ELMO1: variants seen among roughly 807,000 people sequenced by gnomAD.
The protein encoded by ELMO1 is engulfment and cell motility 1, also known as engulfment and cell motility protein 1.
Under a neutral mutation model 98.9 loss-of-function variants are expected in ELMO1, and 26 were observed. That is an observed-to-expected ratio of 0.26 (90% CI 0.19 to 0.36). The LOEUF is 0.36. Ranked by LOEUF, ELMO1 falls within the 10% of genes least tolerant of loss-of-function variation. The pLI is 1.00. For synonymous variants in ELMO1, 346 were observed against 346.0 expected (o/e 1.00, Z 0.00); for missense variants, 627 against 935.2 (o/e 0.67, Z 4.30).
intron 1 of ELMO1, among the ~76,000 whole-genome samples, chr7:37,444,247 G>C (rs143604853): frequency 6.6e-6 from 1 of 152,332 alleles, no homozygotes; most frequent in East Asian, 1.9e-4. Context: ...TTTGTAATTA[G>C]AATCATTCAT....
intron 13 of ELMO1, among the ~76,000 whole-genome samples, chr7:37,202,500 T>A (rs779226451): frequency 6.6e-6 from 1 of 152,232 alleles, no homozygotes; most frequent in Non-Finnish European, 1.5e-5. Flanking sequence ...AAGTCCACCA[T>A]AGACTGGCTT....
intron 1 of ELMO1, among the ~76,000 whole-genome samples, chr7:37,411,467 T>G (rs966933188): frequency 6.6e-6 from 1 of 152,202 alleles, no homozygotes; most frequent in South Asian, 2.1e-4. Context: ...CAAAATTCTT[T>G]AAATAAAATT....
At chr7:37,045,218 T>C (rs1037084856) in intron 15 of ELMO1, among the ~76,000 whole-genome samples, 8 of 152,166 alleles carry the variant, frequency 5.3e-5, no homozygotes, top group Non-Finnish European at 8.8e-5. Context: ...ACTAAGGATA[T>C]CTGAATAATG....
chr7:37,420,023 G>A (rs371320999), intron 1 of ELMO1, among the ~76,000 whole-genome samples: 30 of 152,184 alleles, frequency 2.0e-4, no homozygotes, highest in African/African-American at 5.5e-4. Context: ...ACCATTTACC[G>A]GTCTTTGGAG....
intron 10 of ELMO1, among the ~76,000 whole-genome samples, chr7:37,216,907 G>C (rs573241161): frequency 2.0e-5 from 3 of 152,282 alleles, no homozygotes; most frequent in African/African-American, 7.2e-5. Flanking sequence ...GCAAAGGAAA[G>C]ATATCTGGCA....
intron 15 of ELMO1, among the ~76,000 whole-genome samples, chr7:37,016,287 T>C (rs141687970): frequency 6.6e-6 from 1 of 152,278 alleles, no homozygotes; most frequent in Non-Finnish European, 1.5e-5. Flanking sequence ...TGGGTACATA[T>C]GGCATGCCAA....
At position 36,989,584 on chromosome 7, in the gene ELMO1, C is replaced by G. The variant is rs117932449; in HGVS notation, c.1437+23715G>C. On this transcript the variant is annotated intron_variant, in intron 16 of 21. Transcript: ENST00000310758. Reference sequence around the variant, plus strand: ...AAAAGGCAGTTTTTGGAGAATGGGACAGAGGGTCTCACTATTTCAAGCCAT... The same window carrying G: ...AAAAGGCAGTTTTTGGAGAATGGGAGAGAGGGTCTCACTATTTCAAGCCAT... Among the ~76,000 whole-genome samples, 920 of 152,314 alleles carry G rather than the reference C, an allele frequency of 6.0e-3. 5 individuals carry two copies. The highest frequency in any genetic ancestry group is 0.02 in the Middle Eastern group (6 of 294).
chr7:37,368,971 TC>T (rs1303329524), intron 1 of ELMO1, among the ~76,000 whole-genome samples: 26 of 152,342 alleles, frequency 1.7e-4, no homozygotes, highest in Admixed American at 1.5e-3. Flanking sequence ...CAGCAAACCT[TC>T]AGGAGATGAA....
Position 36,868,352 on chromosome 7 carries a change from T to C in ELMO1, c.1905+2041A>G, listed in dbSNP as rs1043819745. Among the ~76,000 whole-genome samples, 23 of 151,460 alleles carry C rather than the reference T, an allele frequency of 1.5e-4. No individual in the cohort carries two copies. In the East Asian group the frequency reaches 2.1e-3, roughly 14 times the overall value. ...CTTCTTCTTCTTCTTCTTCTTCTTT[T>C]TTTTTTTTTTGAGACAGAGTTTCAC... On this transcript the variant is annotated intron_variant, in intron 20 of 21. Transcript: ENST00000310758.
At chr7:37,313,225 G>GT (rs34521433) in intron 4 of ELMO1, among the ~76,000 whole-genome samples, 76,935 of 151,816 alleles carry the variant, frequency 0.51, 19,957 homozygotes, top group East Asian at 0.79. Context: ...TCCCAGCTTT[G>GT]TTTTTTCTTT....
At chr7:37,062,041 C>T (rs751916461) in intron 15 of ELMO1, among the ~76,000 whole-genome samples, 20 of 152,302 alleles carry the variant, frequency 1.3e-4, no homozygotes, top group Middle Eastern at 6.8e-3. Flanking sequence ...GTTGACATAG[C>T]AGCATCCTGT....
intron 6 of ELMO1, among the ~76,000 whole-genome samples, chr7:37,247,924 T>TGG (rs1004307992): frequency 5.9e-5 from 9 of 151,464 alleles, no homozygotes; most frequent in Non-Finnish European, 1.3e-4. Flanking sequence ...TGTGTGTGTG[T>TGG]GTAATACATA....
intron 15 of ELMO1, among the ~76,000 whole-genome samples, chr7:37,062,983 G>T (rs1396527407): frequency 6.6e-6 from 1 of 152,194 alleles, no homozygotes; most frequent in Non-Finnish European, 1.5e-5. Flanking sequence ...AGAGGCATCA[G>T]AGAGGGAATA....
At chr7:36,932,587 T>G (rs928273190) in intron 16 of ELMO1, among the ~76,000 whole-genome samples, 4 of 152,158 alleles carry the variant, frequency 2.6e-5, no homozygotes, top group African/African-American at 4.8e-5. Flanking sequence ...GTGAACGAAG[T>G]GAAACAAAGC....
chr7:36,934,557 G>C (rs1366922555), intron 16 of ELMO1, among the ~76,000 whole-genome samples: 1 of 152,208 alleles, frequency 6.6e-6, no homozygotes, highest in Non-Finnish European at 1.5e-5. Flanking sequence ...CATTGGGACT[G>C]TTTCTGCTTT....
intron 1 of ELMO1, among the ~76,000 whole-genome samples, chr7:37,414,445 A>G (rs956121662): frequency 6.6e-6 from 1 of 152,240 alleles, no homozygotes; most frequent in Non-Finnish European, 1.5e-5. Context: ...TAAATTAAGC[A>G]TATCCAGGTC....
At chr7:37,205,864 GGACT>G (rs1421658899) in intron 13 of ELMO1, among the ~76,000 whole-genome samples, 1 of 152,086 alleles carries the variant, frequency 6.6e-6, no homozygotes, top group Non-Finnish European at 1.5e-5. Flanking sequence ...TGAATAATGA[GGACT>G]GACTGTATAT....
chr7:37,298,223 G>C (rs935935940), intron 4 of ELMO1, among the ~76,000 whole-genome samples: 11 of 151,042 alleles, frequency 7.3e-5, no homozygotes, highest in African/African-American at 2.2e-4. Context: ...CTACAAGAGA[G>C]GGGGGACCTG....
chr7:36,977,305 G>T (rs1790639861), intron 16 of ELMO1, among the ~76,000 whole-genome samples: 1 of 152,228 alleles, frequency 6.6e-6, no homozygotes, highest in African/African-American at 2.4e-5. Flanking sequence ...TATGCAAAAT[G>T]CCTGGCACAC....
Sources: gnomAD v4.1 joint callset for allele counts (sites outside exome capture counted in the v4.1 genomes callset) on GRCh38, gnomAD v4.1.1 for gene constraint, MANE v1.5 for transcripts, NCBI Gene and HGNC (gene_info 2026-07-23, HGNC 2026-07-21) for gene names.